Variants in ENPP6 observed in about 807,000 individuals in gnomAD.
ENPP6 encodes the protein ectonucleotide pyrophosphatase/phosphodiesterase 6.
ENPP6 carries 32 observed loss-of-function variants against 42.0 expected under a neutral mutation model. The ratio of observed to expected loss-of-function variants is 0.76; its 90% CI spans 0.58 to 1.02. The LOEUF is 1.02. Ranked by LOEUF, ENPP6 falls within the 50% of genes least tolerant of loss-of-function variation. The pLI is 0.00. For missense variants in ENPP6, 552 were observed against 566.8 expected, an observed-to-expected ratio of 0.97 and a Z score of 0.27; for synonymous variants, 213 against 216.0, an observed-to-expected ratio of 0.99 and a Z score of 0.12.
chr4:184,130,648 T>C (rs1019271058), intron 2 of ENPP6, among the ~76,000 whole-genome samples: 4 of 151,514 alleles, frequency 2.6e-5, no homozygotes, highest in East Asian at 1.9e-4. Context: ...TGTTATATGA[T>C]ACAAATCAAT....
chr4:184,197,736 G>A (rs1732826548), intron 1 of ENPP6, among the ~76,000 whole-genome samples: 1 of 152,202 alleles, frequency 6.6e-6, no homozygotes, highest in Middle Eastern at 3.2e-3. Flanking sequence ...CATTCATATA[G>A]TTTTAGTGTT....
At position 184,155,932 on chromosome 4, in the gene ENPP6, GA is replaced by G. The variant is rs566372647; in HGVS notation, c.242-2200del. Among the ~76,000 whole-genome samples the G allele has an allele frequency of 1.8e-4, 27 of 152,292 alleles. 1 individual carries two copies. The East Asian group carries it at 5.2e-3, about 29-fold the overall frequency. On this transcript the variant is annotated intron_variant, in intron 1 of 7. Transcript: ENST00000296741. ...TTCTTTGTTCTCTGCTCTCTGAGTA[GA>G]AAATTATAAGGAGCTTCTTGTGGAT...
intron 1 of ENPP6, among the ~76,000 whole-genome samples, chr4:184,177,341 G>A (rs1191042073): frequency 6.6e-6 from 1 of 152,202 alleles, no homozygotes; most frequent in Non-Finnish European, 1.5e-5. Flanking sequence ...CCAGGCAGGG[G>A]TTTAGGGATA....
intron 1 of ENPP6, among the ~76,000 whole-genome samples, chr4:184,193,332 A>C (rs1190788508): frequency 1.3e-5 from 2 of 152,262 alleles, no homozygotes; most frequent in Admixed American, 6.5e-5. Flanking sequence ...TGCAACATGA[A>C]CGAACCTCAG....
At chr4:184,153,432 T>G in intron 2 of ENPP6, 122 bp downstream of exon 2, 1 of 1,173,148 alleles carries the variant, frequency 8.5e-7, no homozygotes, top group Non-Finnish European at 1.2e-6. Flanking sequence ...CCAATACATA[T>G]TTCTTAAATA....
At chr4:184,207,685 A>G (rs1426595013) in intron 1 of ENPP6, among the ~76,000 whole-genome samples, 4 of 152,220 alleles carry the variant, frequency 2.6e-5, no homozygotes, top group Non-Finnish European at 1.5e-5. Context: ...GCTTTTTCAC[A>G]CTACTCCAAC....
chr4:184,178,040 A>G (rs1732482114), intron 1 of ENPP6, among the ~76,000 whole-genome samples: 1 of 152,182 alleles, frequency 6.6e-6, no homozygotes, highest in South Asian at 2.1e-4. Context: ...TGATAGAAGT[A>G]GGCTTCAGAA....
At chr4:184,120,422 G>A (rs966547217) in intron 3 of ENPP6, among the ~76,000 whole-genome samples, 26 of 152,268 alleles carry the variant, frequency 1.7e-4, no homozygotes, top group African/African-American at 4.8e-4. Context: ...CCACTGTTCC[G>A]GCAGCCAAGT....
At chr4:184,179,408 C>T (rs749766030) in intron 1 of ENPP6, among the ~76,000 whole-genome samples, 4 of 152,196 alleles carry the variant, frequency 2.6e-5, no homozygotes, top group South Asian at 2.1e-4. Flanking sequence ...GAGACTTAGA[C>T]TCCCACACAA....
chr4:184,202,232 C>T (rs748566216), intron 1 of ENPP6, among the ~76,000 whole-genome samples: 1 of 152,158 alleles, frequency 6.6e-6, no homozygotes, highest in Non-Finnish European at 1.5e-5. Flanking sequence ...TCAAACTTTC[C>T]CATCTGTGCT....
At chr4:184,167,324 A>G (rs1162027368) in intron 1 of ENPP6, among the ~76,000 whole-genome samples, 1 of 152,208 alleles carries the variant, frequency 6.6e-6, no homozygotes, top group Non-Finnish European at 1.5e-5. Context: ...CATGTTGGCC[A>G]GGCTGGTCTC....
intron 1 of ENPP6, among the ~76,000 whole-genome samples, chr4:184,163,793 A>T (rs1490975346): frequency 6.6e-6 from 1 of 152,234 alleles, no homozygotes; most frequent in Non-Finnish European, 1.5e-5. Context: ...GGTTGTGTCT[A>T]CCAGAGATCA....
chr4:184,120,378 A>G (rs978974388), intron 3 of ENPP6, among the ~76,000 whole-genome samples: 1 of 152,192 alleles, frequency 6.6e-6, no homozygotes, highest in Non-Finnish European at 1.5e-5. Flanking sequence ...GAGCTTGACA[A>G]AGGACCATAT....
At chr4:184,197,410 A>T (rs1579660788) in intron 1 of ENPP6, among the ~76,000 whole-genome samples, 1 of 152,234 alleles carries the variant, frequency 6.6e-6, no homozygotes, top group African/African-American at 2.4e-5. Flanking sequence ...AGTACTCAGA[A>T]TAAGGTCGAG....
rs751959122 is a variant in ENPP6 at position 184,153,736 on chromosome 4, A to G, written c.242-3T>C. 3.7e-6 allele frequency: 6 copies of G among 1,613,420 alleles called. No homozygotes were observed. The highest frequency in any genetic ancestry group is 3.3e-5 in the Admixed American group (2 of 59,906). On this transcript the variant is annotated splice_polypyrimidine_tract_variant and splice_region_variant and intron_variant, in intron 1 of 7. Transcript: ENST00000296741. Reference sequence around the variant, plus strand: ...CTGATGGACTTCACAATGGCGGCCTATGTCAATGAGAACACAGCTGTCAGT... The same window carrying G: ...CTGATGGACTTCACAATGGCGGCCTGTGTCAATGAGAACACAGCTGTCAGT...
chr4:184,175,278 C>T (rs1475062480), intron 1 of ENPP6, among the ~76,000 whole-genome samples: 1 of 152,198 alleles, frequency 6.6e-6, no homozygotes, highest in Non-Finnish European at 1.5e-5. Flanking sequence ...CTCCCTGCTT[C>T]AGCAAGCCAA....
At chr4:184,187,008 C>T (rs754927236) in intron 1 of ENPP6, among the ~76,000 whole-genome samples, 8 of 152,152 alleles carry the variant, frequency 5.3e-5, no homozygotes, top group Admixed American at 1.3e-4. Context: ...AAGAAGCAGA[C>T]GCCAAGACAA....
chr4:184,206,628 A>T (rs1733005984), intron 1 of ENPP6, among the ~76,000 whole-genome samples: 1 of 152,160 alleles, frequency 6.6e-6, no homozygotes, highest in South Asian at 2.1e-4. Flanking sequence ...TACTTTCTGC[A>T]TTGATTGCCT....
At position 184,153,620 on chromosome 4, in the gene ENPP6, C is replaced by A. The variant is rs1381226099; in HGVS notation, c.355G>T (p.Gly119Ter). 1 of 1,614,176 alleles carries A rather than the reference C, an allele frequency of 6.2e-7. No individual in the cohort carries two copies. Residue 119 changes from glycine to a stop codon, truncating the protein, a stop_gained, in exon 2 of 8, where the codon GGA becomes TGA. Coordinates refer to ENST00000296741, the MANE Select transcript of ENPP6 (RefSeq NM_153343.4). LOFTEE classifies it high-confidence loss of function. ...KDSLMPLWWNGSEPLWVTLTK... is the reference protein window; with the variant it reads ...KDSLMPLWWN ...AGAGTGACCCACAGAGGTTCTGATC[C>A]ATTCCACCAGAGAGGCATTAGGCTG...
Sources: gnomAD v4.1 joint callset for allele counts (sites outside exome capture counted in the v4.1 genomes callset) on GRCh38, gnomAD v4.1.1 for gene constraint, MANE v1.5 for transcripts, NCBI Gene and HGNC (gene_info 2026-07-23, HGNC 2026-07-21) for gene names.